Variants in MARCHF1 observed in about 807,000 individuals in gnomAD.
The protein encoded by MARCHF1 is E3 ubiquitin-protein ligase MARCHF1.
MARCHF1 carries 40 observed loss-of-function variants against 54.2 expected under a neutral mutation model. The ratio of observed to expected loss-of-function variants is 0.74; its 90% CI spans 0.57 to 0.96. MARCHF1 has a LOEUF of 0.96. Among genes scored for constraint, MARCHF1 ranks in the 40% least tolerant of loss-of-function variants. MARCHF1 has a pLI of 0.00. For synonymous variants in MARCHF1, 236 were observed against 236.3 expected (o/e 1.00, Z 0.01); for missense variants, 586 against 656.5 (o/e 0.89, Z 1.17).
intron 5 of MARCHF1, among the ~76,000 whole-genome samples, chr4:163,647,084 G>A (rs959007977): frequency 2.6e-5 from 4 of 151,956 alleles, no homozygotes; most frequent in Admixed American, 6.6e-5. Context: ...CCATGCAAAC[G>A]GAAATGAAGA....
At position 163,760,921 on chromosome 4, in the gene MARCHF1, C is replaced by T. The variant is rs955460156; in HGVS notation, c.112-60058G>A. 2.0e-5 allele frequency among the ~76,000 whole-genome samples: 3 copies of T among 152,250 alleles called. No homozygotes were observed. The East Asian group carries it at 5.8e-4, about 29-fold the overall frequency. On this transcript the variant is annotated intron_variant, in intron 4 of 9. Transcript: ENST00000514618. ...CCTAACTTAAATGGGTATGAAGTTA[C>T]ATTTTGCTTGTTGAGATTGTAACAT... is the stretch of plus-strand genomic sequence containing the variant.
chr4:163,625,617 T>C (rs970597432), intron 5 of MARCHF1, among the ~76,000 whole-genome samples: 3 of 152,156 alleles, frequency 2.0e-5, no homozygotes, highest in Admixed American at 6.5e-5. Context: ...AGGGCTCCAT[T>C]CTCCTCTGTG....
At position 163,526,745 on chromosome 4, in the gene MARCHF1, C is replaced by CAAG. The variant is rs764060759; in HGVS notation, c.*2000_*2002dup. 1.3e-5 allele frequency: 2 copies of CAAG among 152,026 alleles called. No homozygotes were observed. Among genetic ancestry groups the CAAG allele is most frequent in the South Asian group, 4.1e-4 (2 of 4,828 alleles). 9.4% of individuals were successfully genotyped at this position (152,026 alleles called of 1,614,324 possible). A position where few individuals can be genotyped will look rare whatever the true frequency, so the allele number is the denominator to read the frequency against. ...AACTTTGCTTTCCCTGTGCTTATAA[C>CAAG]AAGTTTTAAGAAAGATGAGTTTTAA... is the stretch of plus-strand genomic sequence containing the variant. On this transcript the variant is annotated 3_prime_UTR_variant, in exon 10 of 10. Transcript: ENST00000514618.
At chr4:164,242,382 C>T (rs28864778) in intron 1 of MARCHF1, among the ~76,000 whole-genome samples, 109,361 of 133,840 alleles carry the variant, frequency 0.82, 44,012 homozygotes, top group South Asian at 0.88. Flanking sequence ...ACACCTCACA[C>T]GGCAGGGTAT....
At chr4:163,824,402 T>G (rs1398184126) in intron 4 of MARCHF1, among the ~76,000 whole-genome samples, 1 of 149,944 alleles carries the variant, frequency 6.7e-6, no homozygotes, top group Non-Finnish European at 1.5e-5. Flanking sequence ...GGATTCCCTA[T>G]TTAATCAATG....
intron 1 of MARCHF1, among the ~76,000 whole-genome samples, chr4:164,261,262 C>T (rs1473005755): frequency 2.6e-5 from 4 of 152,024 alleles, no homozygotes; most frequent in African/African-American, 2.4e-5. Context: ...GTTTGTGGTA[C>T]TTTATTACAG....
At chr4:164,324,031 T>C (rs1735210434) in intron 1 of MARCHF1, among the ~76,000 whole-genome samples, 1 of 151,646 alleles carries the variant, frequency 6.6e-6, no homozygotes, top group Non-Finnish European at 1.5e-5. Context: ...CAAACAAAAA[T>C]AAAGACTAAT....
intron 2 of MARCHF1, among the ~76,000 whole-genome samples, chr4:164,034,457 A>T (rs1011017666): frequency 1.3e-5 from 2 of 152,274 alleles, no homozygotes; most frequent in Non-Finnish European, 2.9e-5. Flanking sequence ...TCAACCCAGT[A>T]ATCCCACTAC....
Position 163,785,888 on chromosome 4 carries a change from T to A in MARCHF1, c.111+68133A>T, listed in dbSNP as rs554684857. ...CTGGGATGGTGAAAATATTCTGGAT[T>A]ATTTTGGTGGGCCCAATATATTCTC... On this transcript the variant is annotated intron_variant, in intron 4 of 9. Coordinates refer to ENST00000514618, the MANE Select transcript of MARCHF1 (RefSeq NM_001394959.1). Among the ~76,000 whole-genome samples the A allele has an allele frequency of 2.0e-5, 3 of 152,038 alleles. No homozygotes were observed. The South Asian group carries it at 6.2e-4, about 31-fold the overall frequency.
rs1371782467 is a variant in MARCHF1, at chr4:163,524,879, A to G, written c.*3869T>C. ...ACAAATGCCTAATTTCAAAAACTGC[A>G]CACAGTTAAAATAATTTTTCCTTCT... On this transcript the variant is annotated 3_prime_UTR_variant, in exon 10 of 10. Coordinates refer to ENST00000514618, the MANE Select transcript of MARCHF1 (RefSeq NM_001394959.1). The G allele has an allele frequency of 6.6e-6, 1 of 152,192 alleles. No homozygotes were observed. The highest frequency in any genetic ancestry group is 1.5e-5 in the Non-Finnish European group (1 of 68,034). 9.4% of individuals were successfully genotyped at this position (152,192 alleles called of 1,614,324 possible). A position where few individuals can be genotyped will look rare whatever the true frequency, so the allele number is the denominator to read the frequency against.
At chr4:164,183,417 C>A (rs1730885413) in intron 1 of MARCHF1, among the ~76,000 whole-genome samples, 1 of 152,186 alleles carries the variant, frequency 6.6e-6, no homozygotes, top group African/African-American at 2.4e-5. Flanking sequence ...AGTAGAAAAT[C>A]TTTTCCCCAT....
At chr4:163,529,413 G>A (rs3797025) in intron 9 of MARCHF1, among the ~76,000 whole-genome samples, 14,264 of 151,956 alleles carry the variant, frequency 0.094, 876 homozygotes, top group East Asian at 0.32. Context: ...TGAACATAAT[G>A]GAAGAATCAG....
chr4:163,578,709 C>A (rs1740118363), intron 8 of MARCHF1, among the ~76,000 whole-genome samples: 1 of 152,126 alleles, frequency 6.6e-6, no homozygotes, highest in African/African-American at 2.4e-5. Context: ...TGGTGTCCAG[C>A]TCTCTCTTTG....
At chr4:164,298,883 A>G (rs1734478818) in intron 1 of MARCHF1, among the ~76,000 whole-genome samples, 1 of 152,138 alleles carries the variant, frequency 6.6e-6, no homozygotes, top group South Asian at 2.1e-4. Flanking sequence ...TAAATAGAAG[A>G]TAATTCACTT....
chr4:163,817,869 C>A (rs1039859401), intron 4 of MARCHF1, among the ~76,000 whole-genome samples: 10 of 146,424 alleles, frequency 6.8e-5, no homozygotes, highest in African/African-American at 2.5e-4. Flanking sequence ...GGACAAAAAA[C>A]CAAACACCGC....
chr4:164,261,642 T>G (rs1031453760), intron 1 of MARCHF1, among the ~76,000 whole-genome samples: 1 of 152,146 alleles, frequency 6.6e-6, no homozygotes, highest in African/African-American at 2.4e-5. Context: ...CATTCCCACT[T>G]CTTGGAATGC....
Position 163,950,248 on chromosome 4 carries a change from C to G in MARCHF1, c.-39+38253G>C, listed in dbSNP as rs79427932. 3.6e-3 allele frequency among the ~76,000 whole-genome samples: 553 copies of G among 152,302 alleles called. 6 individuals carry two copies. Among genetic ancestry groups the G allele is most frequent in the African/African-American group, 0.012 (484 of 41,578 alleles). ...TGCCTGCAGGCTTGCTTTGAGCCAC[C>G]CTTAGCCCCGCCCTTGGACTCCCTC... On this transcript the variant is annotated intron_variant, in intron 3 of 9. Coordinates refer to ENST00000514618, the MANE Select transcript of MARCHF1 (RefSeq NM_001394959.1).
At chr4:163,545,445 A>G in intron 9 of MARCHF1, 151 bp downstream of exon 9, 2 of 641,346 alleles carry the variant, frequency 3.1e-6, no homozygotes, top group Non-Finnish European at 2.5e-6. Context: ...ATTTTAATCA[A>G]TAACATGATT....
intron 4 of MARCHF1, among the ~76,000 whole-genome samples, chr4:163,704,545 T>C (rs1744896877): frequency 1.3e-5 from 2 of 151,858 alleles, no homozygotes; most frequent in East Asian, 3.9e-4. Context: ...ACAGGGTCTT[T>C]TTTTTTCAAT....
Sources: gnomAD v4.1 joint callset for allele counts (sites outside exome capture counted in the v4.1 genomes callset) on GRCh38, gnomAD v4.1.1 for gene constraint, MANE v1.5 for transcripts, NCBI Gene and HGNC (gene_info 2026-07-23, HGNC 2026-07-21) for gene names.